ZNF860: variants seen among roughly 807,000 people sequenced by gnomAD.
The protein encoded by ZNF860 is zinc finger protein 860.
For synonymous variants in ZNF860, 206 were observed against 248.9 expected (o/e 0.83, Z 1.62); for missense variants, 641 against 759.2 (o/e 0.84, Z 1.83).
chr3:31,983,814 A>C (rs1175599506), intron 1 of ZNF860, among the ~76,000 whole-genome samples: 1 of 152,206 alleles, frequency 6.6e-6, no homozygotes, highest in African/African-American at 2.4e-5. Flanking sequence ...TGTTTGAAAA[A>C]CAATTTGGAA....
chr3:31,984,733 T>C (rs1273682366), intron 1 of ZNF860, among the ~76,000 whole-genome samples: 1 of 152,202 alleles, frequency 6.6e-6, no homozygotes, highest in Non-Finnish European at 1.5e-5. Flanking sequence ...AAAGGTAGTT[T>C]GGTGTTCAAA....
At chr3:32,005,511 G>A in the ZNF860 span, among the ~76,000 whole-genome samples, 82 of 152,234 alleles carry the variant, frequency 5.4e-4, 4 homozygotes, top group Admixed American at 3.7e-3. Context: ...CATATGTGAC[G>A]TCCATAAGTA....
chr3:31,992,514 T>C (rs1699045026), downstream of ZNF860, among the ~76,000 whole-genome samples: 2 of 152,166 alleles, frequency 1.3e-5, no homozygotes, highest in South Asian at 4.1e-4. Context: ...GCTGCCCACA[T>C]TCCTTGGTTC....
At chr3:31,995,024 A>G (rs1270505283), downstream of ZNF860, among the ~76,000 whole-genome samples, 2 of 152,192 alleles carry the variant, frequency 1.3e-5, no homozygotes, top group Non-Finnish European at 2.9e-5. Flanking sequence ...GGGGTATATG[A>G]ATAGGGAGTA....
In ZNF860 at chr3:31,990,295, G is replaced by A. The variant is rs762189422; in HGVS notation, c.1216G>A (p.Val406Ile). 5.0e-6 allele frequency: 8 copies of A among 1,613,942 alleles called. No homozygotes were observed. Among genetic ancestry groups the A allele is most frequent in the Non-Finnish European group, 6.8e-6 (8 of 1,179,976 alleles). Residue 406 changes from valine (V) to isoleucine (I), a missense_variant, in exon 2 of 2, where the codon GTC (valine) becomes ATC (isoleucine). Transcript: ENST00000360311. ...KLYKCNDCHKVFSNATTIANH... is the reference protein window; with the variant it reads ...KLYKCNDCHKIFSNATTIANH... Reference sequence around the variant, plus strand: ...TTATAAATGTAATGATTGTCACAAAGTCTTCAGTAATGCTACAACCATTGC... The same window carrying A: ...TTATAAATGTAATGATTGTCACAAAATCTTCAGTAATGCTACAACCATTGC...
chr3:31,997,517 C>A, the ZNF860 span, among the ~76,000 whole-genome samples: 3 of 151,926 alleles, frequency 2.0e-5, no homozygotes, highest in African/African-American at 7.3e-5. Context: ...CCCGCTTCAG[C>A]CTCCCAAAAT....
chr3:32,004,481 C>G, the ZNF860 span, among the ~76,000 whole-genome samples: 1 of 152,172 alleles, frequency 6.6e-6, no homozygotes, highest in Non-Finnish European at 1.5e-5. Context: ...AAAGGGGAGT[C>G]AGAACACAGG....
At chr3:31,982,102 A>G (rs554209146) in intron 1 of ZNF860, among the ~76,000 whole-genome samples, 200 bp downstream of exon 1, 2 of 152,128 alleles carry the variant, frequency 1.3e-5, no homozygotes, top group African/African-American at 4.8e-5. Flanking sequence ...AAACCTATCC[A>G]TTGCTACCAC....
the ZNF860 span, among the ~76,000 whole-genome samples, chr3:32,001,482 C>T: frequency 2.6e-5 from 4 of 152,042 alleles, no homozygotes; most frequent in East Asian, 1.9e-4. Context: ...TCCTGACTCT[C>T]GTGCAAATGT....
At chr3:31,987,256 T>C (rs1451009435) in intron 1 of ZNF860, among the ~76,000 whole-genome samples, 1 of 152,228 alleles carries the variant, frequency 6.6e-6, no homozygotes, top group Non-Finnish European at 1.5e-5. Context: ...CCTTGTTCAC[T>C]GAAGAATATA....
the ZNF860 span, among the ~76,000 whole-genome samples, chr3:32,002,662 C>A: frequency 7.7e-6 from 1 of 129,766 alleles, no homozygotes; most frequent in Admixed American, 7.8e-5. Flanking sequence ...ACTCTAACAT[C>A]ATTTCAAACA....
At chr3:32,006,210 T>C in the ZNF860 span, among the ~76,000 whole-genome samples, 5 of 152,310 alleles carry the variant, frequency 3.3e-5, no homozygotes, top group Admixed American at 1.3e-4. Flanking sequence ...CCTCTCAAAG[T>C]GCTGGGATTA....
Position 31,990,777 on chromosome 3 carries a change from C to A in ZNF860, c.1698C>A (p.Tyr566Ter), listed in dbSNP as rs761894995. Reference protein sequence around the residue: ...HKRIHTGEKPYKCDDFDEAFS... With the variant: ...HKRIHTGEKP ...GAATTCATACTGGAGAGAAACCTTA[C>A]AAATGTGATGATTTTGACGAGGCCT... is the stretch of plus-strand genomic sequence containing the variant. The change falls in exon 2 of 2, where the codon TAC becomes TAA. Residue 566 changes from tyrosine to a stop codon, truncating the protein, a stop_gained. Coordinates refer to ENST00000360311, the MANE Select transcript of ZNF860 (RefSeq NM_001137674.3). LOFTEE classifies it low-confidence loss of function (END_TRUNC). 8.7e-6 allele frequency: 14 copies of A among 1,613,242 alleles called. No homozygotes were observed. The highest frequency in any genetic ancestry group is 1.7e-6 in the Non-Finnish European group (2 of 1,179,516).
In ZNF860 at chr3:31,990,662, A is replaced by G; in HGVS notation, c.1583A>G (p.His528Arg). The G allele has an allele frequency of 6.2e-7, 1 of 1,614,216 alleles. No homozygotes were observed. Among genetic ancestry groups the G allele is most frequent in the Non-Finnish European group, 8.5e-7 (1 of 1,180,028 alleles). The change falls in exon 2 of 2, where the codon CAT (histidine) becomes CGT (arginine). Residue 528 changes from histidine to arginine, a missense_variant. Physicochemically the swap from His to Arg is conservative, Grantham distance 29 (BLOSUM62 0). Transcript: ENST00000360311. Reference sequence around the variant, plus strand: ...AATCAACAAGCAACCCTTGCACGTCATCATAGACTTCATACTGGAGAGAAA... The same window carrying G: ...AATCAACAAGCAACCCTTGCACGTCGTCATAGACTTCATACTGGAGAGAAA... The part of the protein sequence containing the change: ...VFNQQATLAR[H>R]HRLHTGEKPY...
chr3:31,994,727 C>A (rs553730995), downstream of ZNF860, among the ~76,000 whole-genome samples: 3 of 152,180 alleles, frequency 2.0e-5, no homozygotes, highest in Non-Finnish European at 4.4e-5. Context: ...AGATATGTTA[C>A]TGCCAAAGGA....
At chr3:31,985,389 T>C (rs1034481218) in intron 1 of ZNF860, among the ~76,000 whole-genome samples, 1 of 152,116 alleles carries the variant, frequency 6.6e-6, no homozygotes, top group Non-Finnish European at 1.5e-5. Flanking sequence ...TCACAGACCA[T>C]GTAAAGATTT....
chr3:31,998,684 A>G, the ZNF860 span, among the ~76,000 whole-genome samples: 1 of 152,168 alleles, frequency 6.6e-6, no homozygotes, highest in Non-Finnish European at 1.5e-5. Flanking sequence ...CCAATTGGCT[A>G]TCCATCAATT....
intron 1 of ZNF860, 68 bp from the exon 2 acceptor site, chr3:31,988,592 G>C (rs529141326): frequency 5.9e-6 from 1 of 168,434 alleles, no homozygotes; most frequent in Non-Finnish European, 1.3e-5. Flanking sequence ...TATAAACAGG[G>C]GAGTGTTCAC....
chr3:32,004,192 T>A, the ZNF860 span, among the ~76,000 whole-genome samples: 1 of 152,202 alleles, frequency 6.6e-6, no homozygotes, highest in Non-Finnish European at 1.5e-5. Context: ...GAGAAGCAGA[T>A]CCTGTTAGAG....
Sources: allele counts gnomAD v4.1 joint callset (sites outside exome capture counted in the v4.1 genomes callset), GRCh38; gene constraint gnomAD v4.1.1; transcripts MANE v1.5; gene names NCBI Gene and HGNC (gene_info 2026-07-23, HGNC 2026-07-21).